Variants in DHX34 observed in about 807,000 individuals in gnomAD.
DHX34 encodes the protein DExH-box helicase 34, also known as probable ATP-dependent RNA helicase DHX34.
A neutral mutation model predicts 111.1 loss-of-function variants in DHX34; 96 were observed. That is an observed-to-expected ratio of 0.86 (90% CI 0.73 to 1.02). The LOEUF is 1.02. Ranked by LOEUF, DHX34 falls within the 50% of genes least tolerant of loss-of-function variation. The probability of loss-of-function intolerance (pLI) is 0.00; values close to 1 mark genes in which losing one functional copy is unlikely to be tolerated. For synonymous variants in DHX34, 688 were observed against 670.4 expected (o/e 1.03, Z -0.41); for missense variants, 1,560 against 1,579.9 (o/e 0.99, Z 0.21).
At position 47,353,495 on chromosome 19, in the gene DHX34, G is replaced by A; in HGVS notation, c.465G>A (p.Leu155=). 1.2e-6 allele frequency: 2 copies of A among 1,613,918 alleles called. No homozygotes were observed. The highest frequency in any genetic ancestry group is 2.2e-5 in the East Asian group (1 of 44,888). ...AGGCATTTGGGCGTCTGGCCAAGCT[G>A]CAGCGTGAGCGGGCAGCCCTCCCCA... The part of the protein sequence containing the change: ...QKQAFGRLAK[L]QRERAALPIA... Residue 155 remains leucine (L), a synonymous_variant, in exon 2 of 17, where the codon CTG becomes CTA. Coordinates refer to ENST00000328771, the MANE Select transcript of DHX34 (RefSeq NM_014681.6). The surrounding 1 kb of genome is among the most constrained non-coding windows in gnomAD (Gnocchi z 4.6).
chr19:47,362,622 G>A lies in DHX34; in HGVS notation c.1522G>A (p.Asp508Asn). ...CTGCTTCCGCCTCTATGCCGAATCGGACTATGATGCCTTCGCCCCCTACCC... is the reference window on the plus strand; with the variant it reads ...CTGCTTCCGCCTCTATGCCGAATCGAACTATGATGCCTTCGCCCCCTACCC... The part of the protein sequence containing the change: ...GVCFRLYAES[D>N]YDAFAPYPVP... Residue 508 changes from aspartate to asparagine, a missense_variant, in exon 6 of 17, where the codon GAC (aspartate) becomes AAC (asparagine). Physicochemically the swap from Asp to Asn is conservative, Grantham distance 23. Coordinates refer to ENST00000328771, the MANE Select transcript of DHX34 (RefSeq NM_014681.6). 1 of 1,613,900 alleles carries A rather than the reference G, an allele frequency of 6.2e-7. No homozygotes were observed. Among genetic ancestry groups the A allele is most frequent in the Non-Finnish European group, 8.5e-7 (1 of 1,180,012 alleles).
chr19:47,351,722 C>T (rs1243779366), intron 1 of DHX34, among the ~76,000 whole-genome samples: 1 of 152,192 alleles, frequency 6.6e-6, no homozygotes, highest in Non-Finnish European at 1.5e-5. Flanking sequence ...CAAAAGGGCC[C>T]TGATTGGCCC....
chr19:47,357,989 C>T lies in DHX34; in HGVS notation c.1141C>T (p.Leu381Phe), dbSNP rs1969510049. 2 of 1,613,934 alleles carry T rather than the reference C, an allele frequency of 1.2e-6. No homozygotes were observed. The highest frequency in any genetic ancestry group is 1.7e-6 in the Non-Finnish European group (2 of 1,180,032). Residue 381 changes from leucine (L) to phenylalanine (F), a missense_variant, in exon 4 of 17, where the codon CTC becomes TTC. Transcript: ENST00000328771. ...GTACCCGCCTGAGGAGCGGGGTGAC[C>T]TCCTCGTCTTCCTCAGCGGCATGGC... Reference protein sequence around the residue: ...HKYPPEERGDLLVFLSGMAEI... With the variant: ...HKYPPEERGDFLVFLSGMAEI...
intron 8 of DHX34, among the ~76,000 whole-genome samples, 172 bp downstream of exon 8, chr19:47,373,095 G>T (rs574404139): frequency 1.3e-5 from 2 of 152,238 alleles, no homozygotes; most frequent in Non-Finnish European, 2.9e-5. Context: ...CCATGCTTTC[G>T]GCTCAGGACA....
In DHX34 at chr19:47,382,108, G is replaced by C; in HGVS notation, c.3427G>C (p.Val1143Leu). The change falls in exon 17 of 17, where the codon GTG becomes CTG. Residue 1143 changes from valine to leucine, a missense_variant. Val to Leu is a conservative substitution (Grantham distance 32). Coordinates refer to ENST00000328771, the MANE Select transcript of DHX34 (RefSeq NM_014681.6). The part of the protein sequence containing the change: ...TEVLRHRKQH[V>L] ...GGTGCTGCGCCACCGGAAGCAGCACGTGTGAGCTGGGCCAGGAGCCCTGCC... is the reference window on the plus strand; with the variant it reads ...GGTGCTGCGCCACCGGAAGCAGCACCTGTGAGCTGGGCCAGGAGCCCTGCC... 3.1e-6 allele frequency: 5 copies of C among 1,613,924 alleles called. No individual in the cohort carries two copies. The highest frequency in any genetic ancestry group is 4.2e-6 in the Non-Finnish European group (5 of 1,179,978).
chr19:47,376,968 G>C lies in DHX34; in HGVS notation c.2600-132G>C, dbSNP rs558674458. The stretch of plus-strand genomic sequence containing the variant: ...AGATTTGGCTGACCTTCTTGTCTGA[G>C]CCAGGCCACCAAAGCCATGCCGTAA... On this transcript the variant is annotated intron_variant, in intron 12 of 16. Coordinates refer to ENST00000328771, the MANE Select transcript of DHX34 (RefSeq NM_014681.6). The C allele has an allele frequency of 1.7e-5, 26 of 1,548,052 alleles. No homozygotes were observed. In the African/African-American group the frequency reaches 3.1e-4, roughly 19 times the overall value.
Position 47,381,960 on chromosome 19 carries a change from T to G in DHX34, c.3299-20T>G. ...GCACTGGAACACGCCCCTCACAGCC[T>G]CCTCCTTTTCCTCCCTTAGGGGCTG... On this transcript the variant is annotated intron_variant, in intron 16 of 16. Transcript: ENST00000328771. The G allele has an allele frequency of 1.2e-6, 2 of 1,613,914 alleles. No individual in the cohort carries two copies. The highest frequency in any genetic ancestry group is 1.7e-6 in the Non-Finnish European group (2 of 1,179,904).
chr19:47,374,005 G>A (rs980845047), intron 9 of DHX34, among the ~76,000 whole-genome samples: 8 of 152,284 alleles, frequency 5.3e-5, no homozygotes, highest in East Asian at 1.9e-4. Flanking sequence ...GGCAGCCTAC[G>A]GTTGTGGTTG....
chr19:47,355,374 C>T (rs181565371), intron 3 of DHX34, 24 bp downstream of exon 3: 16 of 1,601,744 alleles, frequency 1.0e-5, no homozygotes, highest in Non-Finnish European at 1.4e-5. Context: ...CCTCCTCCCA[C>T]ATCCCCAGAC....
rs759128129 is a variant in DHX34, at chr19:47,382,107, C to T, written c.3426C>T (p.His1142=). ...AGGTGCTGCGCCACCGGAAGCAGCA[C>T]GTGTGAGCTGGGCCAGGAGCCCTGC... is the stretch of plus-strand genomic sequence containing the variant. ...PTEVLRHRKQ[H]V The change falls in exon 17 of 17, where the codon CAC becomes CAT. Residue 1142 remains histidine (H), a synonymous_variant. Transcript: ENST00000328771. The T allele has an allele frequency of 1.8e-5, 29 of 1,613,956 alleles. No homozygotes were observed. Among genetic ancestry groups the T allele is most frequent in the Middle Eastern group, 1.7e-4 (1 of 6,056 alleles).
rs546637736 is a variant in DHX34, at chr19:47,358,748, G to A, written c.1272+628G>A. Among the ~76,000 whole-genome samples the A allele has an allele frequency of 6.6e-5, 10 of 152,204 alleles. No individual in the cohort carries two copies. In the East Asian group the frequency reaches 1.9e-3, roughly 29 times the overall value. On this transcript the variant is annotated intron_variant, in intron 4 of 16. Transcript: ENST00000328771. ...TCCTGCCTCAGCCTCCTGAGTAGCT[G>A]GGACTACAGGCACCCGCCACCACGT...
rs1286129378 is a variant in DHX34 at position 47,356,094 on chromosome 19, T to C, written c.1017+744T>C. Among the ~76,000 whole-genome samples, 3 of 152,228 alleles carry C rather than the reference T, an allele frequency of 2.0e-5. No individual in the cohort carries two copies. The East Asian group carries it at 5.8e-4, about 29-fold the overall frequency. On this transcript the variant is annotated intron_variant, in intron 3 of 16. Coordinates refer to ENST00000328771, the MANE Select transcript of DHX34 (RefSeq NM_014681.6). ...GGGCTGTCCTGTGCATTGTAGGATA[T>C]CTAGCAGCATCCCTGGCCCTACCCA...
At chr19:47,379,687 G>C (rs1327416372) in intron 13 of DHX34, 23 bp from the exon 14 acceptor site, 2 of 1,577,408 alleles carry the variant, frequency 1.3e-6, no homozygotes, top group East Asian at 4.5e-5. Flanking sequence ...CCTACTCCCT[G>C]TCTTCTGCCC....
chr19:47,362,420 G>A (rs1969657914), intron 5 of DHX34, 56 bp from the exon 6 acceptor site: 2 of 1,451,402 alleles, frequency 1.4e-6, no homozygotes. Context: ...CAGGCGCGTG[G>A]CCAGCTGCAC....
rs1414582185 is a variant in DHX34, at chr19:47,377,171, T to C, written c.2671T>C (p.Tyr891His). The change falls in exon 13 of 17, where the codon TAC becomes CAC. Residue 891 changes from tyrosine (Y) to histidine (H), a missense_variant. Coordinates refer to ENST00000328771, the MANE Select transcript of DHX34 (RefSeq NM_014681.6). ...FVSLLETNKPYLVNCVRIPAL... is the reference protein window; with the variant it reads ...FVSLLETNKPHLVNCVRIPAL... ...GTCCCTGCTGGAGACCAACAAGCCG[T>C]ACCTGGTGAACTGCGTCCGCATCCC... 1 of 1,613,836 alleles carries C rather than the reference T, an allele frequency of 6.2e-7. No individual in the cohort carries two copies. The highest frequency in any genetic ancestry group is 1.3e-5 in the African/African-American group (1 of 74,930).
rs1436975349 is a variant in DHX34 at position 47,352,928 on chromosome 19, C to T, written c.-103C>T. ...TTAGCTCTTTGAAGAGAAAGTAGTT[C>T]TCTATTGCAGGCACTGGCCTCTTAA... On this transcript the variant is annotated 5_prime_UTR_variant, in exon 2 of 17. Coordinates refer to ENST00000328771, the MANE Select transcript of DHX34 (RefSeq NM_014681.6). 2 of 1,462,412 alleles carry T rather than the reference C, an allele frequency of 1.4e-6. No individual in the cohort carries two copies. The highest frequency in any genetic ancestry group is 2.8e-5 in the African/African-American group (2 of 70,218). The allele number at this position is 1,462,412 out of a possible 1,614,324, so 90.6% of individuals were successfully genotyped here.
rs141829008 is a variant in DHX34, at chr19:47,355,273, A to G, written c.940A>G (p.Ile314Val). The G allele has an allele frequency of 4.3e-6, 7 of 1,613,980 alleles. No homozygotes were observed. Among genetic ancestry groups the G allele is most frequent in the East Asian group, 2.2e-5 (1 of 44,884 alleles). Residue 314 changes from isoleucine (I) to valine (V), a missense_variant, in exon 3 of 17, where the codon ATC (isoleucine) becomes GTC (valine). Transcript: ENST00000328771. ...CAAGGTCATCCTCATGTCGGCCACC[A>G]TCAACATCTCGCTCTTCTCCAGCTA... ...DLKVILMSAT[I>V]NISLFSSYFS...
chr19:47,351,375 G>A (rs940690542), intron 1 of DHX34, among the ~76,000 whole-genome samples: 8 of 151,420 alleles, frequency 5.3e-5, no homozygotes, highest in Non-Finnish European at 1.2e-4. Context: ...TCCAGCCTGG[G>A]TGACAGAGCA....
chr19:47,367,176 T>C lies in DHX34; in HGVS notation c.1768+21T>C, dbSNP rs199632465. On this transcript the variant is annotated intron_variant, in intron 7 of 16. Transcript: ENST00000328771. ...GATTGGTGAGTACCCACCCCCCTCC[T>C]GATCACTCAGGGCCCCAGGAGCGGG... 101 of 1,453,170 alleles carry C rather than the reference T, an allele frequency of 7.0e-5. No homozygotes were observed. The East Asian group carries it at 2.7e-3, about 38-fold the overall frequency. The allele number at this position is 1,453,170 out of a possible 1,614,324, so 90.0% of individuals were successfully genotyped here.
Sources: gnomAD v4.1 joint callset for allele counts (sites outside exome capture counted in the v4.1 genomes callset) on GRCh38, gnomAD v4.1.1 for gene constraint, Gnocchi (gnomAD v3.1) non-coding constraint, MANE v1.5 for transcripts, NCBI Gene and HGNC (gene_info 2026-07-23, HGNC 2026-07-21) for gene names.